The following FOCAD variants were observed in gnomAD, a reference collection of about 807,000 sequenced individuals.
FOCAD encodes KIAA1797.
FOCAD carries 198 observed loss-of-function variants against 225.6 expected under a neutral mutation model. The ratio of observed to expected loss-of-function variants is 0.88; its 90% CI spans 0.78 to 0.99. The LOEUF is 0.99. Among genes scored for constraint, FOCAD ranks in the 50% least tolerant of loss-of-function variants. The pLI, the probability that FOCAD is intolerant of heterozygous loss-of-function variation, is 0.00. For synonymous variants in FOCAD, 897 were observed against 755.0 expected (o/e 1.19, Z -3.08); for missense variants, 2,713 against 2,123.6 (o/e 1.28, Z -5.46).
intron 27 of FOCAD, among the ~76,000 whole-genome samples, chr9:20,930,386 T>A (rs1304471892): frequency 6.6e-6 from 1 of 152,246 alleles, no homozygotes; most frequent in Non-Finnish European, 1.5e-5. Context: ...TTGCTTATCA[T>A]GAATATTTTG....
chr9:20,995,377 A>G (rs1841982847), intron 43 of FOCAD, among the ~76,000 whole-genome samples, 179 bp from the exon 44 acceptor site: 1 of 151,162 alleles, frequency 6.6e-6, no homozygotes, highest in South Asian at 2.1e-4. Flanking sequence ...AAAAAAAAAA[A>G]CAACTTTCCC....
chr9:20,688,055 A>T (rs2131331804), intron 1 of FOCAD, among the ~76,000 whole-genome samples: 1 of 152,356 alleles, frequency 6.6e-6, no homozygotes, highest in South Asian at 2.1e-4. Context: ...ATGTGTTAAG[A>T]TAGAGAATAG....
chr9:20,672,586 G>C (rs1242663573), intron 2 of FOCAD, among the ~76,000 whole-genome samples: 2 of 152,164 alleles, frequency 1.3e-5, no homozygotes, highest in Non-Finnish European at 2.9e-5. Context: ...GAGTAGCTGG[G>C]ACAACAGGTG....
chr9:20,772,268 T>G (rs1439595703), intron 8 of FOCAD, among the ~76,000 whole-genome samples: 1 of 152,150 alleles, frequency 6.6e-6, no homozygotes. Context: ...ATGCTTGACT[T>G]GAGGTATGTA....
rs372642369 is a variant in FOCAD at position 20,725,764 on chromosome 9, A to G, written c.287+5230A>G. On this transcript the variant is annotated intron_variant, in intron 4 of 43. Coordinates refer to ENST00000338382, the MANE Select transcript of FOCAD (RefSeq NM_001375567.1). ...TGAAAAAGACTTGACATTTGCAATG[A>G]TCTGGTTGTCTAAACTTCAGGGAGT... is the stretch of plus-strand genomic sequence containing the variant. Among the ~76,000 whole-genome samples the G allele has an allele frequency of 7.9e-4, 120 of 152,330 alleles. 2 individuals carry two copies. In the South Asian group the frequency reaches 0.024, roughly 30 times the overall value.
intron 8 of FOCAD, among the ~76,000 whole-genome samples, chr9:20,774,048 T>C (rs1315665206): frequency 6.6e-6 from 1 of 152,184 alleles, no homozygotes; most frequent in African/African-American, 2.4e-5. Flanking sequence ...TATTGTGAAC[T>C]GTGCATGCGA....
At chr9:20,705,977 C>T (rs1824356726) in intron 1 of FOCAD, among the ~76,000 whole-genome samples, 2 of 142,366 alleles carry the variant, frequency 1.4e-5, no homozygotes, top group Non-Finnish European at 1.5e-5. Flanking sequence ...TTCTGTCACC[C>T]AGGCTGGAAT....
In FOCAD at chr9:20,960,209, A is replaced by G. The variant is rs922619776; in HGVS notation, c.4132+7144A>G. On this transcript the variant is annotated intron_variant, in intron 35 of 43. Transcript: ENST00000338382. ...GATTAGAAGCCAGTTAGTTTATACA[A>G]TGCTCTTTAATTTGGGTTTGCCTGA... Among the ~76,000 whole-genome samples, 29 of 152,322 alleles carry G rather than the reference A, an allele frequency of 1.9e-4. 1 individual carries two copies. Among genetic ancestry groups the G allele is most frequent in the African/African-American group, 6.5e-4 (27 of 41,552 alleles).
At chr9:20,713,990 G>C (rs1379106344) in intron 1 of FOCAD, among the ~76,000 whole-genome samples, 1 of 152,160 alleles carries the variant, frequency 6.6e-6, no homozygotes, top group East Asian at 1.9e-4. Flanking sequence ...TGTCAAATTC[G>C]GGGAGGAAAG....
At chr9:20,900,170 C>G (rs1832439606) in intron 21 of FOCAD, among the ~76,000 whole-genome samples, 1 of 151,936 alleles carries the variant, frequency 6.6e-6, no homozygotes, top group Non-Finnish European at 1.5e-5. Flanking sequence ...ACATGACACT[C>G]TCACCTAAAT....
At chr9:20,858,729 G>C (rs912506992) in intron 15 of FOCAD, among the ~76,000 whole-genome samples, 7 of 152,038 alleles carry the variant, frequency 4.6e-5, no homozygotes, top group African/African-American at 1.7e-4. Context: ...GCACTTTATT[G>C]GTATCAACTT....
At chr9:20,972,589 C>T (rs931617040) in intron 35 of FOCAD, among the ~76,000 whole-genome samples, 2 of 152,092 alleles carry the variant, frequency 1.3e-5, no homozygotes, top group African/African-American at 2.4e-5. Flanking sequence ...GCTTTTCCTG[C>T]TAATTCTGCA....
At chr9:20,900,584 T>C (rs1832472898) in intron 21 of FOCAD, among the ~76,000 whole-genome samples, 1 of 151,918 alleles carries the variant, frequency 6.6e-6, no homozygotes, top group South Asian at 2.1e-4. Context: ...ATATTTGATA[T>C]GAAGTACAAG....
At chr9:20,865,345 G>C (rs377485546) in intron 16 of FOCAD, among the ~76,000 whole-genome samples, 1 of 152,076 alleles carries the variant, frequency 6.6e-6, no homozygotes, top group Non-Finnish European at 1.5e-5. Context: ...AACCTAATAT[G>C]ATTTAGAGGG....
At chr9:20,790,263 T>TC (rs1587173083) in intron 11 of FOCAD, among the ~76,000 whole-genome samples, 1 of 152,216 alleles carries the variant, frequency 6.6e-6, no homozygotes, top group South Asian at 2.1e-4. Flanking sequence ...ACTTTTTTTT[T>TC]CTCCAATTGA....
Position 20,781,897 on chromosome 9 carries a change from C to T in FOCAD, c.1165C>T (p.Gln389Ter). The T allele has an allele frequency of 6.2e-7, 1 of 1,613,964 alleles. No homozygotes were observed. Among genetic ancestry groups the T allele is most frequent in the Non-Finnish European group, 8.5e-7 (1 of 1,179,904 alleles). ...GGCTCTAAACCTTTTGGAAATGATA[C>T]AGCAGGAATGTTACAGAGATGACCA... ...QLALNLLEMI[Q>*]QECYRDDHQK... Residue 389 changes from glutamine (Q) to a stop codon, truncating the protein, a stop_gained, in exon 10 of 44, where the codon CAG (glutamine) becomes TAG (stop). Transcript: ENST00000338382. LOFTEE classifies it high-confidence loss of function.
At chr9:20,944,576 A>G (rs749255535) in intron 28 of FOCAD, 51 bp from the exon 29 acceptor site, 1 of 1,581,770 alleles carries the variant, frequency 6.3e-7, no homozygotes, top group South Asian at 1.1e-5. Flanking sequence ...GTGAAGAGCA[A>G]TTGTGTGGAT....
chr9:20,992,960 TAA>T (rs76133502), intron 42 of FOCAD, among the ~76,000 whole-genome samples: 1 of 141,424 alleles, frequency 7.1e-6, no homozygotes, highest in Non-Finnish European at 1.6e-5. Context: ...AGACTCCATC[TAA>T]AAAAAAAAAA....
intron 24 of FOCAD, among the ~76,000 whole-genome samples, chr9:20,918,916 G>C (rs562133347): frequency 5.5e-4 from 83 of 152,226 alleles, no homozygotes; most frequent in African/African-American, 2.0e-3. Flanking sequence ...TCCAACATGA[G>C]GCCTTCACCA....
Sources: gnomAD v4.1 joint callset for allele counts (sites outside exome capture counted in the v4.1 genomes callset) on GRCh38, gnomAD v4.1.1 for gene constraint, MANE v1.5 for transcripts, NCBI Gene and HGNC (gene_info 2026-07-23, HGNC 2026-07-21) for gene names.